Variants in GPR160 observed in about 807,000 individuals in gnomAD.
GPR160 encodes the protein G protein-coupled receptor 160.
Under a neutral mutation model 2.6 loss-of-function variants are expected in GPR160, and 2 were observed. The ratio of observed to expected loss-of-function variants is 0.77; its 90% CI spans 0.32 to 2.44. The LOEUF (loss-of-function observed/expected upper bound fraction) is 2.44, where lower values mean the gene tolerates loss of function less well. Among genes scored for constraint, GPR160 ranks in the 30% most tolerant of loss-of-function variants. GPR160 has a pLI of 0.11. For missense variants in GPR160, 351 were observed against 383.6 expected, an observed-to-expected ratio of 0.91 and a Z score of 0.71; for synonymous variants, 130 against 132.2, an observed-to-expected ratio of 0.98 and a Z score of 0.12.
chr3:170,053,961 T>G (rs559962977), intron 2 of GPR160, among the ~76,000 whole-genome samples: 10 of 146,466 alleles, frequency 6.8e-5, no homozygotes, highest in East Asian at 3.9e-4. Context: ...TGGTTTTTTG[T>G]TTTTTTTTTT....
At position 170,064,031 on chromosome 3, in the gene GPR160, A is replaced by G. The variant is rs577723686; in HGVS notation, c.-192-15743A>G. Among the ~76,000 whole-genome samples the G allele has an allele frequency of 6.6e-5, 10 of 152,320 alleles. 1 individual carries two copies. In the South Asian group the frequency reaches 1.5e-3, roughly 22 times the overall value. ...TGAACGCTGAATTTATTAAAAAATA[A>G]TAATAAAACACAGGAAACAACTTAC... On this transcript the variant is annotated intron_variant, in intron 2 of 3. Transcript: ENST00000355897.
At chr3:170,076,524 C>T (rs976951024) in intron 2 of GPR160, among the ~76,000 whole-genome samples, 2 of 151,786 alleles carry the variant, frequency 1.3e-5, no homozygotes, top group East Asian at 1.9e-4. Context: ...ACTTGAATGT[C>T]GCTTTTTTAT....
At chr3:170,048,815 TCCATGCGTGG>T (rs1468395596) in intron 2 of GPR160, among the ~76,000 whole-genome samples, 15 of 152,340 alleles carry the variant, frequency 9.8e-5, no homozygotes, top group African/African-American at 3.6e-4. Flanking sequence ...TCAGGCTTGC[TCCATGCGTGG>T]CCTGTCGGCT....
intron 2 of GPR160, among the ~76,000 whole-genome samples, chr3:170,079,167 A>G (rs958695078): frequency 8.5e-5 from 13 of 152,328 alleles, no homozygotes; most frequent in African/African-American, 2.6e-4. Flanking sequence ...CCAGCTGTTC[A>G]AGGCTGCTCT....
chr3:170,059,917 G>A (rs574045124), intron 2 of GPR160, among the ~76,000 whole-genome samples: 1 of 152,188 alleles, frequency 6.6e-6, no homozygotes, highest in East Asian at 1.9e-4. Flanking sequence ...TCTTGCTGTG[G>A]GAGATGATCT....
chr3:170,063,552 C>CAAAAAAAAAAAAAAAA (rs528295183), intron 2 of GPR160, among the ~76,000 whole-genome samples: 17 of 78,934 alleles, frequency 2.2e-4, no homozygotes, highest in African/African-American at 6.0e-4. Context: ...ACAAAAAAAG[C>CAAAAAAAAAAAAAAAA]AAAAAAAAAA....
At position 170,066,187 on chromosome 3, in the gene GPR160, C is replaced by T. The variant is rs191215441; in HGVS notation, c.-192-13587C>T. ...ACAGAGCCTCGCTCTGTCACCCAGG[C>T]TGGAGTCCAGTGGCACGATCTCGGC... is the stretch of plus-strand genomic sequence containing the variant. On this transcript the variant is annotated intron_variant, in intron 2 of 3. Transcript: ENST00000355897. Among the ~76,000 whole-genome samples the T allele has an allele frequency of 1.2e-3, 138 of 117,700 alleles. 1 individual carries two copies. The East Asian group carries it at 0.029, about 24-fold the overall frequency. The allele number at this position is 117,700 out of a possible 152,430, so 77.2% of individuals were successfully genotyped here.
chr3:170,049,442 C>G (rs1330902489), intron 2 of GPR160, among the ~76,000 whole-genome samples: 1 of 152,162 alleles, frequency 6.6e-6, no homozygotes, highest in East Asian at 1.9e-4. Flanking sequence ...GTAATTATTT[C>G]CCTCAACCCA....
chr3:170,060,074 G>GA lies in GPR160; in HGVS notation c.-192-19692dup, dbSNP rs541503818. ...TTTCCTAAAAAAAACAGGGCTCCTT[G>GA]AAAAAAAATGACCAGAAGTACAACG... On this transcript the variant is annotated intron_variant, in intron 2 of 3. Transcript: ENST00000355897. Among the ~76,000 whole-genome samples the GA allele has an allele frequency of 7.2e-5, 11 of 151,930 alleles. No homozygotes were observed. In the East Asian group the frequency reaches 1.2e-3, roughly 16 times the overall value.
intron 2 of GPR160, among the ~76,000 whole-genome samples, chr3:170,079,134 G>C (rs1713006558): frequency 6.6e-6 from 1 of 152,178 alleles, no homozygotes; most frequent in Non-Finnish European, 1.5e-5. Context: ...CATTATGTCT[G>C]TACTGAATAA....
chr3:170,040,750 T>C (rs1402478471), intron 2 of GPR160, among the ~76,000 whole-genome samples: 1 of 152,200 alleles, frequency 6.6e-6, no homozygotes, highest in Non-Finnish European at 1.5e-5. Context: ...GTAAAAAGTG[T>C]ATATGATGAA....
At chr3:170,080,591 C>T (rs911577440) in intron 3 of GPR160, among the ~76,000 whole-genome samples, 25 of 152,188 alleles carry the variant, frequency 1.6e-4, no homozygotes, top group African/African-American at 6.0e-4. Context: ...GAGACACAAG[C>T]GTCCTCCTCC....
chr3:170,045,375 T>C (rs374543286), intron 2 of GPR160, among the ~76,000 whole-genome samples: 11 of 114,174 alleles, frequency 9.6e-5, no homozygotes, highest in African/African-American at 3.7e-4. Context: ...CCATCCTGGC[T>C]AACACGGTGA....
At chr3:170,082,412 G>A (rs981111420) in intron 3 of GPR160, among the ~76,000 whole-genome samples, 1 of 152,006 alleles carries the variant, frequency 6.6e-6, no homozygotes, top group African/African-American at 2.4e-5. Flanking sequence ...CCATATCCAG[G>A]GTGAGCATCC....
At chr3:170,083,150 C>T (rs1220230906) in intron 3 of GPR160, among the ~76,000 whole-genome samples, 1 of 151,856 alleles carries the variant, frequency 6.6e-6, no homozygotes, top group Non-Finnish European at 1.5e-5. Flanking sequence ...CTTCTTTCAT[C>T]ATCTTTTTCC....
At chr3:170,043,512 C>G (rs554237490) in intron 2 of GPR160, among the ~76,000 whole-genome samples, 3 of 152,238 alleles carry the variant, frequency 2.0e-5, no homozygotes, top group African/African-American at 7.2e-5. Context: ...ACAAATGTCT[C>G]TAGGTTGGGT....
intron 2 of GPR160, among the ~76,000 whole-genome samples, chr3:170,047,141 G>A (rs988256661): frequency 1.3e-5 from 2 of 152,108 alleles, no homozygotes; most frequent in African/African-American, 2.4e-5. Context: ...CCTGCCCCAG[G>A]TGCAGACCCA....
intron 2 of GPR160, among the ~76,000 whole-genome samples, chr3:170,072,992 G>C (rs1278654724): frequency 6.6e-6 from 1 of 152,100 alleles, no homozygotes; most frequent in Non-Finnish European, 1.5e-5. Flanking sequence ...GACCAACCTG[G>C]ACAACGAAAC....
rs115414592 is a variant in GPR160, at chr3:170,060,747, A to G, written c.-192-19027A>G. Among the ~76,000 whole-genome samples, 870 of 152,264 alleles carry G rather than the reference A, an allele frequency of 5.7e-3. 9 individuals are homozygous for G. The highest frequency in any genetic ancestry group is 0.02 in the African/African-American group (824 of 41,540). ...GACTGTACTACTGCACTCCAGCTTC[A>G]GCAACACAGTGAGACCCTGTCTCAA... On this transcript the variant is annotated intron_variant, in intron 2 of 3. Coordinates refer to ENST00000355897, the MANE Select transcript of GPR160 (RefSeq NM_014373.3).
Sources: allele counts gnomAD v4.1 joint callset (sites outside exome capture counted in the v4.1 genomes callset), GRCh38; gene constraint gnomAD v4.1.1; transcripts MANE v1.5; gene names NCBI Gene and HGNC (gene_info 2026-07-23, HGNC 2026-07-21).